ADCY9: variants seen among roughly 807,000 people sequenced by gnomAD.
ADCY9 encodes adenylate cyclase type 9.
ADCY9 carries 50 observed loss-of-function variants against 101.5 expected under a neutral mutation model. The observed-to-expected ratio is 0.49, with a 90% confidence interval of 0.39 to 0.62. The LOEUF (loss-of-function observed/expected upper bound fraction) is 0.62, where lower values mean the gene tolerates loss of function less well. Ranked by LOEUF, ADCY9 falls within the 20% of genes least tolerant of loss-of-function variation. ADCY9 has a pLI of 0.00. For synonymous variants in ADCY9, 905 were observed against 769.3 expected, an observed-to-expected ratio of 1.18 and a Z score of -2.92; for missense variants, 1,662 against 1,800.4, an observed-to-expected ratio of 0.92 and a Z score of 1.39.
At chr16:3,971,310 A>T (rs369264616) in intron 10 of ADCY9, among the ~76,000 whole-genome samples, 2 of 152,256 alleles carry the variant, frequency 1.3e-5, no homozygotes, top group East Asian at 3.9e-4. Flanking sequence ...GTCAACTCAC[A>T]CACCCTTCCC....
At chr16:4,015,735 G>A (rs11076799) in intron 2 of ADCY9, 64,773 of 152,110 alleles carry the variant, frequency 0.43, 14,119 homozygotes, top group Admixed American at 0.51. Context: ...GAGAGGCCGA[G>A]GTGGGCAGAT....
chr16:3,974,042 GTTATT>G (rs1160741280), intron 10 of ADCY9, among the ~76,000 whole-genome samples: 1 of 152,146 alleles, frequency 6.6e-6, no homozygotes, highest in East Asian at 1.9e-4. Context: ...TTTCAAGTCA[GTTATT>G]TTATTACTTT....
chr16:3,965,794 T>A lies in ADCY9; in HGVS notation c.4043A>T (p.Asn1348Ile). The A allele has an allele frequency of 1.2e-6, 2 of 1,613,268 alleles. No homozygotes were observed. The highest frequency in any genetic ancestry group is 1.7e-6 in the Non-Finnish European group (2 of 1,179,620). The change falls in exon 11 of 11, where the codon AAC becomes ATC. Residue 1348 changes from asparagine (N) to isoleucine (I), a missense_variant. By Grantham distance (149) the Asn-to-Ile change is moderately radical. Coordinates refer to ENST00000294016, the MANE Select transcript of ADCY9 (RefSeq NM_001116.4). ...GCCGCCTCACACACTCTTTGAAACG[T>A]TGAGCTTGGTGAGTTCGTTGGCTTC... ...IEEANELTKL[N>I]VSKSV
intron 5 of ADCY9, among the ~76,000 whole-genome samples, chr16:3,989,450 C>G (rs1202245925): frequency 6.6e-6 from 1 of 152,082 alleles, no homozygotes; most frequent in Non-Finnish European, 1.5e-5. Flanking sequence ...GCGATCTTGG[C>G]TCACTGCAAT....
Position 4,115,383 on chromosome 16 carries a change from G to C in ADCY9, c.60C>G (p.Asp20Glu). Reference protein sequence around the residue: ...LHHHSTEVSCDSSGDSNSVRV... With the variant: ...LHHHSTEVSCESSGDSNSVRV... ...GCACGCTGTTGCTGTCCCCGCTGGAGTCGCAGCTCACCTCGGTGCTGTGGT... is the reference window on the plus strand; with the variant it reads ...GCACGCTGTTGCTGTCCCCGCTGGACTCGCAGCTCACCTCGGTGCTGTGGT... The change falls in exon 2 of 11, where the codon GAC becomes GAG. Residue 20 changes from aspartate to glutamate, a missense_variant. Around this residue, in one of 5 missense-constraint regions of ADCY9, gnomAD observed 422 missense variants for 392.0 expected, o/e 1.08. Coordinates refer to ENST00000294016, the MANE Select transcript of ADCY9 (RefSeq NM_001116.4). The surrounding 1 kb of genome is among the most constrained non-coding windows in gnomAD (Gnocchi z 6.2). The C allele has an allele frequency of 6.2e-7, 1 of 1,600,882 alleles. No homozygotes were observed. The highest frequency in any genetic ancestry group is 8.5e-7 in the Non-Finnish European group (1 of 1,174,304).
At chr16:4,059,314 G>C (rs1401799515) in intron 2 of ADCY9, among the ~76,000 whole-genome samples, 1 of 147,704 alleles carries the variant, frequency 6.8e-6, no homozygotes, top group African/African-American at 2.5e-5. Flanking sequence ...CTGGAAGGCA[G>C]AGGCTGCAGT....
At position 3,963,399 on chromosome 16, in the gene ADCY9, C is replaced by T. The variant is rs1187518210; in HGVS notation, c.*2376G>A. ...TTTCCGCTGCAGAGATTCTGTGGTTCTGCACTGAGGTATGCATCGGAGCAG... is the reference window on the plus strand; with the variant it reads ...TTTCCGCTGCAGAGATTCTGTGGTTTTGCACTGAGGTATGCATCGGAGCAG... On this transcript the variant is annotated 3_prime_UTR_variant, in exon 11 of 11. Transcript: ENST00000294016. 7.5e-6 allele frequency: 3 copies of T among 398,716 alleles called. No individual in the cohort carries two copies. The highest frequency in any genetic ancestry group is 1.3e-5 in the Non-Finnish European group (3 of 225,922). The allele number at this position is 398,716 out of a possible 1,614,324, so 24.7% of individuals were successfully genotyped here.
intron 2 of ADCY9, among the ~76,000 whole-genome samples, chr16:4,067,446 G>C (rs1308959965): frequency 1.3e-5 from 2 of 152,122 alleles, no homozygotes; most frequent in East Asian, 1.9e-4. Context: ...GGCAGCATTA[G>C]ACACACCACA....
chr16:4,053,360 T>C (rs2056714171), intron 2 of ADCY9, among the ~76,000 whole-genome samples: 1 of 152,204 alleles, frequency 6.6e-6, no homozygotes, highest in Non-Finnish European at 1.5e-5. Context: ...AGTTACCAGG[T>C]GCTTTCACAG....
intron 2 of ADCY9, among the ~76,000 whole-genome samples, chr16:4,082,352 G>C (rs529686879): frequency 6.6e-6 from 1 of 152,224 alleles, no homozygotes; most frequent in Admixed American, 6.5e-5. Context: ...ACACCAGCCA[G>C]GGCAACAGAA....
chr16:3,987,863 G>A (rs1286921403), intron 6 of ADCY9, among the ~76,000 whole-genome samples: 6 of 152,182 alleles, frequency 3.9e-5, no homozygotes, highest in Non-Finnish European at 7.3e-5. Context: ...TTAGGTTTGG[G>A]CCCAGAGGAG....
chr16:4,085,679 T>C (rs899016133), intron 2 of ADCY9, among the ~76,000 whole-genome samples: 1 of 152,180 alleles, frequency 6.6e-6, no homozygotes, highest in Non-Finnish European at 1.5e-5. Context: ...CAAGCAGTGC[T>C]TCTTGAAATG....
rs745590145 is a variant in ADCY9, at chr16:4,114,635, G to C, written c.808C>G (p.Pro270Ala). The C allele has an allele frequency of 6.2e-7, 1 of 1,613,420 alleles. No individual in the cohort carries two copies. Among genetic ancestry groups the C allele is most frequent in the African/African-American group, 1.3e-5 (1 of 74,930 alleles). ...GYHFRDEACF[P>A]SPGAGALHWE... ...TGCAGGGCCCCGGCTCCGGGCGAGG[G>C]GAAGCAGGCTTCATCCCGGAAATGG... The change falls in exon 2 of 11, where the codon CCC becomes GCC. Residue 270 changes from proline to alanine, a missense_variant. Pro to Ala is a conservative substitution (Grantham distance 27, BLOSUM62 -1). Around this residue, in one of 5 missense-constraint regions of ADCY9, gnomAD observed 422 missense variants for 392.0 expected, o/e 1.08. Transcript: ENST00000294016. This position sits in a 1 kb window ranked among gnomAD's most constrained non-coding sequence, Gnocchi z 4.3.
chr16:3,977,652 G>A (rs749133341), intron 8 of ADCY9, 22 bp from the exon 9 acceptor site: 8 of 1,602,092 alleles, frequency 5.0e-6, no homozygotes, highest in East Asian at 2.2e-5. Context: ...GAAGGGTTAG[G>A]ACAGCCGCCC....
intron 2 of ADCY9, among the ~76,000 whole-genome samples, chr16:4,040,072 G>A (rs994988523): frequency 6.6e-6 from 1 of 152,056 alleles, no homozygotes; most frequent in Admixed American, 6.6e-5. Flanking sequence ...GAGAAGAGAA[G>A]AGAAGACCAT....
At chr16:3,978,760 C>G (rs985314015) in intron 8 of ADCY9, among the ~76,000 whole-genome samples, 2 of 152,194 alleles carry the variant, frequency 1.3e-5, no homozygotes, top group African/African-American at 4.8e-5. Flanking sequence ...CGCTCCATCA[C>G]CCAGGCTGCA....
chr16:4,063,068 C>T (rs186984072), intron 2 of ADCY9, among the ~76,000 whole-genome samples: 33 of 152,192 alleles, frequency 2.2e-4, no homozygotes, highest in Admixed American at 5.9e-4. Flanking sequence ...GTGTACATAT[C>T]GCATTGTCTA....
At chr16:4,087,444 G>T (rs1048503654) in intron 2 of ADCY9, among the ~76,000 whole-genome samples, 35 of 150,584 alleles carry the variant, frequency 2.3e-4, no homozygotes, top group South Asian at 2.1e-4. Flanking sequence ...GCCGAGACAT[G>T]AGAATTGTTT....
intron 2 of ADCY9, among the ~76,000 whole-genome samples, chr16:4,041,506 CAAAAAAAA>C (rs55669348): frequency 3.2e-5 from 3 of 94,620 alleles, no homozygotes; most frequent in Admixed American, 2.4e-4. Flanking sequence ...GTATTAAAAC[CAAAAAAAA>C]AAAAAAAAAA....
Sources: allele counts gnomAD v4.1 joint callset (sites outside exome capture counted in the v4.1 genomes callset), GRCh38; gene constraint gnomAD v4.1.1; regional missense constraint gnomAD v4.1.1; non-coding constraint Gnocchi (gnomAD v3.1); transcripts MANE v1.5; gene names NCBI Gene and HGNC (gene_info 2026-07-23, HGNC 2026-07-21).